The following GTF2IRD1 variants were observed in gnomAD, a reference collection of about 807,000 sequenced individuals.
GTF2IRD1 encodes GTF2I repeat domain containing 1.
Under a neutral mutation model 113.2 loss-of-function variants are expected in GTF2IRD1, and 26 were observed. The ratio of observed to expected loss-of-function variants is 0.23; its 90% confidence interval spans 0.17 to 0.32. The LOEUF is 0.32. Ranked by LOEUF, GTF2IRD1 falls within the 10% of genes least tolerant of loss-of-function variation. The pLI, the probability that GTF2IRD1 is intolerant of heterozygous loss-of-function variation, is 1.00. For missense variants in GTF2IRD1, 864 were observed against 1,280.8 expected (o/e 0.67, Z 4.97); for synonymous variants, 484 against 529.1 (o/e 0.91, Z 1.17).
chr7:74,537,471 T>C (rs1181946409), intron 11 of GTF2IRD1, among the ~76,000 whole-genome samples: 2 of 151,364 alleles, frequency 1.3e-5, no homozygotes, highest in Non-Finnish European at 2.9e-5. Flanking sequence ...CATGCATACA[T>C]ACCTACTACA....
chr7:74,523,328 C>G (rs201569655), intron 7 of GTF2IRD1, among the ~76,000 whole-genome samples: 1 of 152,168 alleles, frequency 6.6e-6, no homozygotes. Flanking sequence ...GAGTTCAAGG[C>G]TACAGTGAGC....
chr7:74,502,504 T>C (rs578092462), intron 1 of GTF2IRD1, among the ~76,000 whole-genome samples: 23 of 152,222 alleles, frequency 1.5e-4, no homozygotes, highest in Non-Finnish European at 2.8e-4. Context: ...GGATTGGAAA[T>C]CACAGCTGGA....
intron 1 of GTF2IRD1, among the ~76,000 whole-genome samples, chr7:74,495,545 A>C (rs1795608411): frequency 6.6e-6 from 1 of 151,994 alleles, no homozygotes; most frequent in Non-Finnish European, 1.5e-5. Context: ...AGGCCTTGTT[A>C]TGTGTAGCAG....
intron 1 of GTF2IRD1, among the ~76,000 whole-genome samples, chr7:74,466,962 T>A (rs1554330993): frequency 6.6e-6 from 1 of 151,394 alleles, no homozygotes. Context: ...CTTTTTTTTT[T>A]TTTTTGGAGA....
intron 1 of GTF2IRD1, among the ~76,000 whole-genome samples, chr7:74,465,362 G>A (rs2116940645): frequency 6.6e-6 from 1 of 152,204 alleles, no homozygotes; most frequent in South Asian, 2.1e-4. Context: ...CAGAGGCCAG[G>A]GCTCCCTCAC....
chr7:74,460,139 C>T (rs1793270067), intron 1 of GTF2IRD1, among the ~76,000 whole-genome samples: 1 of 151,810 alleles, frequency 6.6e-6, no homozygotes, highest in South Asian at 2.1e-4. Flanking sequence ...CCGTGCCCGG[C>T]TAATTTTTTG....
intron 4 of GTF2IRD1, among the ~76,000 whole-genome samples, chr7:74,517,920 C>A (rs1369092166): frequency 2.6e-5 from 4 of 152,180 alleles, no homozygotes; most frequent in Non-Finnish European, 2.9e-5. Context: ...GTGGGGGAGC[C>A]CCAGCCCCCC....
intron 6 of GTF2IRD1, 72 bp from the exon 7 acceptor site, chr7:74,521,136 T>G (rs1797270930): frequency 1.2e-6 from 1 of 833,026 alleles, no homozygotes; most frequent in African/African-American, 1.7e-5. Context: ...CCAGGGCCTG[T>G]GCACTGGGGC....
intron 22 of GTF2IRD1, among the ~76,000 whole-genome samples, chr7:74,587,329 C>T (rs192577878): frequency 0.012 from 1,875 of 152,188 alleles, 16 homozygotes; most frequent in Non-Finnish European, 0.02. Context: ...CCTGTAGTCC[C>T]AGCTCTCAGG....
intron 1 of GTF2IRD1, chr7:74,506,149 C>T (rs1554341017): frequency 6.6e-6 from 1 of 152,238 alleles, no homozygotes; most frequent in African/African-American, 2.4e-5. Context: ...GTTTCTGTCC[C>T]TGTGGTTGGA....
At chr7:74,525,308 G>A (rs587648400) in intron 8 of GTF2IRD1, among the ~76,000 whole-genome samples, 1 of 152,184 alleles carries the variant, frequency 6.6e-6, no homozygotes, top group South Asian at 2.1e-4. Context: ...TACCCTGATG[G>A]TTCCCTCTCT....
At chr7:74,582,589 C>G (rs1326995007) in intron 22 of GTF2IRD1, among the ~76,000 whole-genome samples, 2 of 152,082 alleles carry the variant, frequency 1.3e-5, no homozygotes, top group Non-Finnish European at 2.9e-5. Context: ...GAGATTAGAT[C>G]CAGCAGGCCC....
At chr7:74,470,902 C>T (rs937015838) in intron 1 of GTF2IRD1, among the ~76,000 whole-genome samples, 1 of 152,144 alleles carries the variant, frequency 6.6e-6, no homozygotes, top group Non-Finnish European at 1.5e-5. Context: ...CTCCCTGGTT[C>T]AAGCAATTCT....
At chr7:74,463,912 C>T (rs1162127386) in intron 1 of GTF2IRD1, among the ~76,000 whole-genome samples, 3 of 151,928 alleles carry the variant, frequency 2.0e-5, no homozygotes, top group African/African-American at 2.4e-5. Flanking sequence ...TTAGTAGAGG[C>T]GGAGTTTCAC....
At chr7:74,576,338 A>G (rs377129199) in intron 22 of GTF2IRD1, among the ~76,000 whole-genome samples, 2 of 151,638 alleles carry the variant, frequency 1.3e-5, no homozygotes, top group African/African-American at 4.8e-5. Flanking sequence ...AGGCGGGCGA[A>G]TCACTTGAGA....
At chr7:74,588,061 GCCACTTCCAGGACATGGGATCTT>G (rs1801823468) in intron 22 of GTF2IRD1, among the ~76,000 whole-genome samples, 2 of 150,712 alleles carry the variant, frequency 1.3e-5, no homozygotes, top group East Asian at 3.9e-4. Flanking sequence ...CCAAAGTTCA[GCCACTTCCAGGACATGGGATCTT>G]TTTCTTTTTT....
At chr7:74,527,105 G>C (rs1485900893) in intron 8 of GTF2IRD1, among the ~76,000 whole-genome samples, 5 of 152,176 alleles carry the variant, frequency 3.3e-5, no homozygotes, top group Non-Finnish European at 7.4e-5. Flanking sequence ...AGCCTGGAGG[G>C]AGGACAGTGT....
At chr7:74,561,477 C>T (rs1799963303) in intron 22 of GTF2IRD1, among the ~76,000 whole-genome samples, 1 of 151,738 alleles carries the variant, frequency 6.6e-6, no homozygotes, top group Non-Finnish European at 1.5e-5. Context: ...AAGGATGGCC[C>T]TGCTTGGGCC....
At chr7:74,523,217 T>C (rs1020992129) in intron 7 of GTF2IRD1, among the ~76,000 whole-genome samples, 1 of 151,866 alleles carries the variant, frequency 6.6e-6, no homozygotes, top group Non-Finnish European at 1.5e-5. Flanking sequence ...AGACCCTGTC[T>C]GTAAAAAAGA....
Sources: allele counts gnomAD v4.1 joint callset (sites outside exome capture counted in the v4.1 genomes callset), GRCh38; gene constraint gnomAD v4.1.1; transcripts MANE v1.5; gene names NCBI Gene and HGNC (gene_info 2026-07-23, HGNC 2026-07-21).